The following AFG2A variants were observed in gnomAD, a reference collection of about 807,000 sequenced individuals.
AFG2A encodes the protein ATPase family gene 2 protein homolog A.
chr4:123,278,608 C>G, the AFG2A span, among the ~76,000 whole-genome samples: 2 of 152,126 alleles, frequency 1.3e-5, no homozygotes, highest in African/African-American at 4.8e-5. Flanking sequence ...GAACTTCCCT[C>G]TCAACACTGC....
the AFG2A span, among the ~76,000 whole-genome samples, chr4:123,229,762 T>TA: frequency 2.0e-5 from 3 of 151,924 alleles, no homozygotes; most frequent in Admixed American, 1.3e-4. Context: ...GATATACCTG[T>TA]ATGCTGTGTC....
At chr4:122,970,411 C>G in the AFG2A span, among the ~76,000 whole-genome samples, 4 of 151,696 alleles carry the variant, frequency 2.6e-5, no homozygotes, top group Non-Finnish European at 5.9e-5. Context: ...AAAGACACAT[C>G]TCTCAGAATG....
chr4:122,983,330 A>G, the AFG2A span, among the ~76,000 whole-genome samples: 4 of 150,412 alleles, frequency 2.7e-5, no homozygotes, highest in African/African-American at 9.8e-5. Flanking sequence ...GATCTTTAGT[A>G]TTTCCTTCCT....
the AFG2A span, chr4:123,318,393 A>C: frequency 6.6e-6 from 1 of 152,210 alleles, no homozygotes; most frequent in Admixed American, 6.5e-5. Flanking sequence ...ATTTTAGAAC[A>C]TTATATCTTT....
At chr4:123,011,667 C>T in the AFG2A span, among the ~76,000 whole-genome samples, 36 of 152,134 alleles carry the variant, frequency 2.4e-4, no homozygotes, top group Middle Eastern at 3.4e-3. Flanking sequence ...TGGGGTCAAG[C>T]GGTGTTGGAG....
the AFG2A span, among the ~76,000 whole-genome samples, chr4:123,040,390 C>T: frequency 6.6e-6 from 1 of 152,124 alleles, no homozygotes; most frequent in African/African-American, 2.4e-5. Context: ...ATCTGGCCTG[C>T]AGTGTATTTT....
At chr4:123,250,821 A>G in the AFG2A span, among the ~76,000 whole-genome samples, 47 of 152,304 alleles carry the variant, frequency 3.1e-4, no homozygotes, top group African/African-American at 1.1e-3. Flanking sequence ...GAGTTGTCAT[A>G]TAGTGATTTT....
At chr4:122,936,289 A>T in the AFG2A span, 1 of 461,032 alleles carries the variant, frequency 2.2e-6, no homozygotes, top group Non-Finnish European at 3.7e-6. Context: ...TAGATTATAG[A>T]TCTAATGAAA....
the AFG2A span, among the ~76,000 whole-genome samples, chr4:123,147,158 A>C: frequency 2.8e-4 from 42 of 152,304 alleles, no homozygotes; most frequent in East Asian, 7.1e-3. Flanking sequence ...CTTAAATTTA[A>C]TGAATCTCTT....
At chr4:123,257,133 C>T in the AFG2A span, among the ~76,000 whole-genome samples, 34 of 152,166 alleles carry the variant, frequency 2.2e-4, no homozygotes, top group South Asian at 8.3e-4. Flanking sequence ...AGTGGTACTC[C>T]GAGAGTCTAT....
chr4:123,056,559 A>G, the AFG2A span: 2 of 627,262 alleles, frequency 3.2e-6, no homozygotes, highest in South Asian at 1.1e-4. Context: ...TCTTAGTGGT[A>G]TTTTTTTTTC....
the AFG2A span, among the ~76,000 whole-genome samples, chr4:123,030,964 A>G: frequency 6.6e-6 from 1 of 152,046 alleles, no homozygotes; most frequent in Non-Finnish European, 1.5e-5. Flanking sequence ...TATTCGTTCA[A>G]CTCTCCTATA....
At chr4:123,082,416 C>T in the AFG2A span, among the ~76,000 whole-genome samples, 1 of 151,992 alleles carries the variant, frequency 6.6e-6, no homozygotes, top group African/African-American at 2.4e-5. Flanking sequence ...GCCTTTGCTA[C>T]TATGCCAAAG....
At chr4:122,963,960 C>G in the AFG2A span, among the ~76,000 whole-genome samples, 2 of 152,104 alleles carry the variant, frequency 1.3e-5, no homozygotes, top group African/African-American at 4.8e-5. Context: ...TCTTCTCTTA[C>G]CTGGGCCCTG....
At chr4:123,026,217 A>G in the AFG2A span, among the ~76,000 whole-genome samples, 3 of 152,032 alleles carry the variant, frequency 2.0e-5, no homozygotes, top group East Asian at 5.8e-4. Context: ...GCCTCAGACC[A>G]GGAAATGTGT....
the AFG2A span, among the ~76,000 whole-genome samples, chr4:123,249,562 A>G: frequency 6.6e-6 from 1 of 152,186 alleles, no homozygotes; most frequent in African/African-American, 2.4e-5. Flanking sequence ...AGGAAAGAAT[A>G]AGACTGCAGG....
At chr4:123,146,251 A>G in the AFG2A span, among the ~76,000 whole-genome samples, 9,957 of 152,280 alleles carry the variant, frequency 0.065, 585 homozygotes, top group African/African-American at 0.15. Context: ...CAAGAAAAGT[A>G]TGTCCAGAAG....
chr4:123,226,124 G>A, the AFG2A span, among the ~76,000 whole-genome samples: 1 of 152,096 alleles, frequency 6.6e-6, no homozygotes, highest in African/African-American at 2.4e-5. Flanking sequence ...GAGACGAAGG[G>A]GTTTTCTAGA....
At chr4:123,164,694 A>G in the AFG2A span, among the ~76,000 whole-genome samples, 1 of 152,192 alleles carries the variant, frequency 6.6e-6, no homozygotes, top group Non-Finnish European at 1.5e-5. Context: ...CTATGCCAAT[A>G]CTTTATTACT....
Sources: allele counts gnomAD v4.1 joint callset (sites outside exome capture counted in the v4.1 genomes callset), GRCh38; gene constraint gnomAD v4.1.1; transcripts MANE v1.5; gene names NCBI Gene and HGNC (gene_info 2026-07-23, HGNC 2026-07-21).